CALCR: variants seen among roughly 807,000 people sequenced by gnomAD.
The protein encoded by CALCR is calcitonin receptor.
CALCR carries 47 observed loss-of-function variants against 59.5 expected under a neutral mutation model. The ratio of observed to expected loss-of-function variants is 0.79; its 90% CI spans 0.63 to 1.01. The LOEUF (loss-of-function observed/expected upper bound fraction) is 1.01, where lower values mean the gene tolerates loss of function less well. CALCR is among the 50% of genes least tolerant of loss of function. The pLI, the probability that CALCR is intolerant of heterozygous loss-of-function variation, is 0.00. For synonymous variants in CALCR, 213 were observed against 211.3 expected, an observed-to-expected ratio of 1.01 and a Z score of -0.07; for missense variants, 566 against 597.1, an observed-to-expected ratio of 0.95 and a Z score of 0.54.
chr7:93,491,385 C>T (rs774732634), intron 2 of CALCR, among the ~76,000 whole-genome samples: 2 of 151,986 alleles, frequency 1.3e-5, no homozygotes, highest in Non-Finnish European at 2.9e-5. Context: ...GCAATTGCAA[C>T]AAAAGCCAAA....
rs1442679222 is a variant in CALCR at position 93,428,824 on chromosome 7, C to T, written c.1192-2235G>A. Reference sequence around the variant, plus strand: ...AAAAAAAGGAAGCTGATAATTTCCACGGATTCAGCATCTCTTAAATACCAA... The same window carrying T: ...AAAAAAAGGAAGCTGATAATTTCCATGGATTCAGCATCTCTTAAATACCAA... On this transcript the variant is annotated intron_variant, in intron 13 of 13. Coordinates refer to ENST00000426151, the MANE Select transcript of CALCR (RefSeq NM_001742.4). Among the ~76,000 whole-genome samples, 4 of 150,812 alleles carry T rather than the reference C, an allele frequency of 2.7e-5. 1 individual carries two copies. The highest frequency in any genetic ancestry group is 7.3e-5 in the African/African-American group (3 of 40,994).
Position 93,491,517 on chromosome 7 carries a change from G to T in CALCR, c.-26-4510C>A, listed in dbSNP as rs183950966. ...TTTGCAATCTACCTAACTGACAAAG[G>T]TCTAATATCCAAAATTTACAAGGAA... is the stretch of plus-strand genomic sequence containing the variant. On this transcript the variant is annotated intron_variant, in intron 2 of 13. Coordinates refer to ENST00000426151, the MANE Select transcript of CALCR (RefSeq NM_001742.4). Among the ~76,000 whole-genome samples the T allele has an allele frequency of 3.1e-3, 464 of 152,076 alleles. 2 individuals are homozygous for T. Among genetic ancestry groups the T allele is most frequent in the Non-Finnish European group, 2.1e-3 (142 of 67,974 alleles).
intron 8 of CALCR, among the ~76,000 whole-genome samples, chr7:93,456,317 A>G (rs563351404): frequency 1.3e-5 from 2 of 152,224 alleles, no homozygotes; most frequent in South Asian, 2.1e-4. Flanking sequence ...CCCATTGATC[A>G]TTGTAAGTGG....
At chr7:93,439,237 CT>C (rs1799848018) in intron 9 of CALCR, among the ~76,000 whole-genome samples, 1 of 152,072 alleles carries the variant, frequency 6.6e-6, no homozygotes, top group Admixed American at 6.6e-5. Context: ...TAAGAACAAC[CT>C]CAGCTTTTAA....
At chr7:93,469,137 T>C (rs1039776669) in intron 6 of CALCR, among the ~76,000 whole-genome samples, 2 of 151,770 alleles carry the variant, frequency 1.3e-5, no homozygotes, top group African/African-American at 2.4e-5. Flanking sequence ...TTCTGGAATC[T>C]TTTAGACAGT....
chr7:93,474,859 C>G (rs1800633277), intron 5 of CALCR, among the ~76,000 whole-genome samples: 1 of 151,684 alleles, frequency 6.6e-6, no homozygotes, highest in South Asian at 2.1e-4. Flanking sequence ...ATAGATAATG[C>G]TTTTATAGAT....
rs538583970 is a variant in CALCR at position 93,473,435 on chromosome 7, T to C, written c.317-948A>G. 2.0e-5 allele frequency among the ~76,000 whole-genome samples: 3 copies of C among 151,916 alleles called. No homozygotes were observed. The East Asian group carries it at 5.9e-4, about 30-fold the overall frequency. ...TTAAGCACTAATTAAGCCTCTTATT[T>C]CTGTGGCAATGTGCCAACTGGTCAG... On this transcript the variant is annotated intron_variant, in intron 5 of 13. Coordinates refer to ENST00000426151, the MANE Select transcript of CALCR (RefSeq NM_001742.4).
At chr7:93,548,839 AGT>A (rs754317267) in intron 2 of CALCR, among the ~76,000 whole-genome samples, 4,937 of 137,306 alleles carry the variant, frequency 0.036, 115 homozygotes, top group African/African-American at 0.07. Flanking sequence ...ATCCAGAAGA[AGT>A]GTGTGTGTGT....
intron 7 of CALCR, among the ~76,000 whole-genome samples, chr7:93,463,280 A>G (rs1483512446): frequency 2.6e-5 from 4 of 151,994 alleles, no homozygotes; most frequent in African/African-American, 7.2e-5. Context: ...CAGTACATAT[A>G]AAGAGTACTG....
Position 93,426,236 on chromosome 7 carries a change from T to C in CALCR, c.*120A>G, listed in dbSNP as rs1032423699. On this transcript the variant is annotated 3_prime_UTR_variant, in exon 14 of 14. Coordinates refer to ENST00000426151, the MANE Select transcript of CALCR (RefSeq NM_001742.4). ...TCAGATTTACAATGGACAAATTCAC[T>C]GAATAATTCTTCACAAATGATATGT... The C allele has an allele frequency of 1.5e-6, 1 of 659,118 alleles. No homozygotes were observed. Among genetic ancestry groups the C allele is most frequent in the African/African-American group, 1.8e-5 (1 of 55,752 alleles). The allele number at this position is 659,118 out of a possible 1,614,324, so 40.8% of individuals were successfully genotyped here.
intron 2 of CALCR, among the ~76,000 whole-genome samples, chr7:93,560,652 AT>A (rs1789724238): frequency 6.6e-6 from 1 of 152,106 alleles, no homozygotes; most frequent in African/African-American, 2.4e-5. Flanking sequence ...TGAAAAGTTT[AT>A]TTGCTGTGAC....
intron 2 of CALCR, among the ~76,000 whole-genome samples, chr7:93,492,321 A>T (rs1179933061): frequency 6.6e-6 from 1 of 151,380 alleles, no homozygotes; most frequent in South Asian, 2.1e-4. Context: ...AAAAGAAAAA[A>T]ATAAAATATG....
chr7:93,472,330 A>G, intron 6 of CALCR, 45 bp downstream of exon 6: 1 of 1,129,056 alleles, frequency 8.9e-7, no homozygotes, highest in Non-Finnish European at 1.3e-6. Context: ...CCTTGTACAA[A>G]TAATGACATT....
intron 2 of CALCR, among the ~76,000 whole-genome samples, chr7:93,502,144 A>G (rs544222713): frequency 6.6e-6 from 1 of 152,226 alleles, no homozygotes; most frequent in Non-Finnish European, 1.5e-5. Context: ...GTAGGGGATA[A>G]CTAGTGGGAA....
chr7:93,520,265 T>C (rs572987256), intron 2 of CALCR, among the ~76,000 whole-genome samples: 307 of 151,968 alleles, frequency 2.0e-3, no homozygotes, highest in Non-Finnish European at 3.6e-3. Context: ...AGGAAGTAAA[T>C]GCCATTCAAC....
rs913208370 is a variant in CALCR at position 93,487,577 on chromosome 7, C to A, written c.-26-570G>T. On this transcript the variant is annotated intron_variant, in intron 2 of 13. Transcript: ENST00000426151. Reference sequence around the variant, plus strand: ...TGATTGAGCATGTCATTTAACAGCTCACCATTCATACTGAAGAGCATAATC... The same window carrying A: ...TGATTGAGCATGTCATTTAACAGCTAACCATTCATACTGAAGAGCATAATC... 4.0e-5 allele frequency among the ~76,000 whole-genome samples: 6 copies of A among 151,620 alleles called. No individual in the cohort carries two copies. The South Asian group carries it at 1.2e-3, about 31-fold the overall frequency.
intron 8 of CALCR, among the ~76,000 whole-genome samples, chr7:93,445,826 C>T (rs1254187948): frequency 6.6e-6 from 1 of 152,044 alleles, no homozygotes; most frequent in Non-Finnish European, 1.5e-5. Context: ...TTAGGAACAT[C>T]ATACAGCACT....
intron 8 of CALCR, among the ~76,000 whole-genome samples, chr7:93,445,459 C>CT (rs759172652): frequency 3.3e-5 from 5 of 151,986 alleles, no homozygotes; most frequent in Non-Finnish European, 5.9e-5. Flanking sequence ...AGATGATGGT[C>CT]TTATGCCTTT....
chr7:93,535,514 GAAAATGGACACACAGATAATGATTGT>G (rs1788960780), intron 2 of CALCR, among the ~76,000 whole-genome samples: 1 of 151,694 alleles, frequency 6.6e-6, no homozygotes, highest in Admixed American at 6.6e-5. Flanking sequence ...CTTATGAACT[GAAAATGGACACACAGATAATGATTGT>G]TATGACACTA....
Sources: allele counts gnomAD v4.1 joint callset (sites outside exome capture counted in the v4.1 genomes callset), GRCh38; gene constraint gnomAD v4.1.1; transcripts MANE v1.5; gene names NCBI Gene and HGNC (gene_info 2026-07-23, HGNC 2026-07-21).